Variants in CAPN14 observed in about 807,000 individuals in gnomAD.
CAPN14 encodes calpain-14.
CAPN14 carries 94 observed loss-of-function variants against 101.3 expected under a neutral mutation model. The ratio of observed to expected loss-of-function variants is 0.93; its 90% CI spans 0.79 to 1.10. The LOEUF (loss-of-function observed/expected upper bound fraction) is 1.10. CAPN14 is among the 50% of genes least tolerant of loss of function. The pLI is 0.00. For missense variants in CAPN14, 837 were observed against 828.4 expected, an observed-to-expected ratio of 1.01 and a Z score of -0.13; for synonymous variants, 338 against 317.9, an observed-to-expected ratio of 1.06 and a Z score of -0.67.
In CAPN14 at chr2:31,223,602, C is replaced by A. The variant is rs562174916; in HGVS notation, c.-53+2926G>T. Among the ~76,000 whole-genome samples the A allele has an allele frequency of 5.4e-5, 8 of 147,742 alleles. No homozygotes were observed. The East Asian group carries it at 1.6e-3, about 29-fold the overall frequency. On this transcript the variant is annotated intron_variant and NMD_transcript_variant, in intron 2 of 21. Transcript: ENST00000398824. ...GGAGTGCAGTGGGACAATCTCGGCT[C>A]ACTGCAGCCTCCGCCTCCTAGGTTC...
chr2:31,183,854 CCTCT>C (rs1408767307), intron 16 of CAPN14, among the ~76,000 whole-genome samples: 3 of 149,646 alleles, frequency 2.0e-5, no homozygotes, highest in South Asian at 2.2e-4. Flanking sequence ...TCCCTCCCTC[CCTCT>C]CTCTCTCTTT....
chr2:31,231,139 T>G (rs73922287), intron 1 of CAPN14, among the ~76,000 whole-genome samples: 7,977 of 150,350 alleles, frequency 0.053, 704 homozygotes, highest in African/African-American at 0.19. Flanking sequence ...CCCTTCCACC[T>G]CTCCCTCTCC....
chr2:31,189,331 C>G lies in CAPN14; in HGVS notation c.1435G>C (p.Glu479Gln). Residue 479 changes from glutamate (E) to glutamine (Q), a missense_variant, in exon 13 of 22, where the codon GAG (glutamate) becomes CAG (glutamine). Physicochemically the swap from Glu to Gln is conservative, Grantham distance 29 (BLOSUM62 2). Transcript: ENST00000403897. ...ACGAACTCTGACTTCTGGTGGGCCTCCAATATGCAGGGCACGATGAGGTAC... is the reference window on the plus strand; with the variant it reads ...ACGAACTCTGACTTCTGGTGGGCCTGCAATATGCAGGGCACGATGAGGTAC... Reference protein sequence around the residue: ...GTYLIVPCILEAHQKSEFVLR... With the variant: ...GTYLIVPCILQAHQKSEFVLR... 6.4e-7 allele frequency: 1 copy of G among 1,551,716 alleles called. No homozygotes were observed. The highest frequency in any genetic ancestry group is 1.2e-5 in the South Asian group (1 of 84,058).
chr2:31,200,660 A>G, intron 5 of CAPN14, 35 bp from the exon 6 acceptor site: 1 of 1,494,624 alleles, frequency 6.7e-7, no homozygotes, highest in South Asian at 1.3e-5. Context: ...AGAGGAAAAA[A>G]GTATCATGAG....
intron 16 of CAPN14, among the ~76,000 whole-genome samples, chr2:31,183,136 T>C (rs1290738677): frequency 3.9e-5 from 6 of 151,904 alleles, no homozygotes; most frequent in South Asian, 2.1e-4. Flanking sequence ...TAGCCATATG[T>C]AGAAAGCTGA....
rs1164619480 is a variant in CAPN14 at position 31,193,251 on chromosome 2, T to A, written c.994A>T (p.Ile332Phe). The A allele has an allele frequency of 1.3e-6, 2 of 1,551,778 alleles. No homozygotes were observed. Among genetic ancestry groups the A allele is most frequent in the East Asian group, 4.9e-5 (2 of 40,920 alleles). The change falls in exon 10 of 22, where the codon ATC becomes TTC. Residue 332 changes from isoleucine to phenylalanine, a missense_variant. By Grantham distance (21) the Ile-to-Phe change is conservative (BLOSUM62 0). Transcript: ENST00000403897. ...DFKTHFVLLV[I>F]CKLTPGLLSQ... ...AACAGGCCTGGGGTCAGTTTACAGA[T>A]AACCAGGAGCACGAAATGTGTTTTA...
At chr2:31,202,107 G>A (rs1363037839) in intron 4 of CAPN14, 27 bp downstream of exon 4, 1 of 1,550,018 alleles carries the variant, frequency 6.5e-7, no homozygotes, top group Admixed American at 2.0e-5. Flanking sequence ...GACTCCCTCT[G>A]GGCTGAGGAC....
chr2:31,232,767 G>C (rs1372078926), intron 1 of CAPN14, among the ~76,000 whole-genome samples: 1 of 152,166 alleles, frequency 6.6e-6, no homozygotes, highest in Admixed American at 6.5e-5. Context: ...ATTACAATTA[G>C]AGATGAGATT....
chr2:31,214,695 C>T (rs1682554314), intron 1 of CAPN14, among the ~76,000 whole-genome samples: 1 of 152,140 alleles, frequency 6.6e-6, no homozygotes. Context: ...CTTTATGAGA[C>T]ACTGCATAGT....
rs1252250168 is a variant in CAPN14 at position 31,224,912 on chromosome 2, A to G, written c.-53+1616T>C. On this transcript the variant is annotated intron_variant and NMD_transcript_variant, in intron 2 of 21. Transcript: ENST00000398824. ...AGTCATGTCATATTCCTGGAGGGAA[A>G]GATTAAGTATTAAAAATATGTCATT... is the stretch of plus-strand genomic sequence containing the variant. Among the ~76,000 whole-genome samples, 3 of 152,070 alleles carry G rather than the reference A, an allele frequency of 2.0e-5. No homozygotes were observed. The East Asian group carries it at 5.8e-4, about 29-fold the overall frequency.
intron 1 of CAPN14, among the ~76,000 whole-genome samples, chr2:31,211,057 A>C (rs1682374077): frequency 6.6e-6 from 1 of 152,230 alleles, no homozygotes; most frequent in African/African-American, 2.4e-5. Context: ...TTTACTAAAA[A>C]AATCTAGAGG....
chr2:31,185,006 GT>G (rs1204738497), intron 16 of CAPN14, among the ~76,000 whole-genome samples: 18 of 152,184 alleles, frequency 1.2e-4, no homozygotes, highest in African/African-American at 4.1e-4. Flanking sequence ...AATGGCAGTG[GT>G]TTATTATCTT....
At chr2:31,187,736 C>T (rs575466051) in intron 15 of CAPN14, 22 bp downstream of exon 15, 1 of 1,547,928 alleles carries the variant, frequency 6.5e-7, no homozygotes, top group South Asian at 1.2e-5. Flanking sequence ...TCCTCACCCC[C>T]CACCACACCT....
chr2:31,181,390 CTTTCTTTTTTTCTT>C (rs771144320), intron 16 of CAPN14, among the ~76,000 whole-genome samples: 1,426 of 136,150 alleles, frequency 0.01, 20 homozygotes, highest in South Asian at 0.015. Context: ...TTCTTTTTTT[CTTTCTTTTTTTCTT>C]TCTTTCTTTC....
At chr2:31,176,937 G>C in intron 20 of CAPN14, 89 bp downstream of exon 20, 1 of 965,952 alleles carries the variant, frequency 1.0e-6, no homozygotes, top group Admixed American at 2.2e-5. Flanking sequence ...GATGGCGGCT[G>C]TCCTCCCTTG....
intron 1 of CAPN14, among the ~76,000 whole-genome samples, chr2:31,215,898 A>G (rs10210276): frequency 0.57 from 85,816 of 150,752 alleles, 25,488 homozygotes; most frequent in East Asian, 0.94. Flanking sequence ...ATAGCTAAAC[A>G]CATACAAACT....
At chr2:31,192,238 C>T in intron 10 of CAPN14, 140 bp from the exon 11 acceptor site, 1 of 992,188 alleles carries the variant, frequency 1.0e-6, no homozygotes. Flanking sequence ...AGTCGGGGTC[C>T]CTTCAACCTT....
chr2:31,196,873 C>G (rs190432463), intron 8 of CAPN14, among the ~76,000 whole-genome samples: 1 of 152,172 alleles, frequency 6.6e-6, no homozygotes, highest in Non-Finnish European at 1.5e-5. Context: ...CACCAAAGAC[C>G]TTGGTTGAGT....
rs554475169 is a variant in CAPN14 at position 31,210,231 on chromosome 2, C to T, written c.-52-4732G>A. 8.6e-5 allele frequency among the ~76,000 whole-genome samples: 13 copies of T among 152,030 alleles called. No homozygotes were observed. In the South Asian group the frequency reaches 2.5e-3, roughly 29 times the overall value. On this transcript the variant is annotated intron_variant, in intron 1 of 21. Coordinates refer to ENST00000403897, the MANE Select transcript of CAPN14 (RefSeq NM_001145122.2). ...GGCTGAGGAGGGCGGATCACGAGGTCAAGAGATCAAGACCATCCTGGCTAA... is the reference window on the plus strand; with the variant it reads ...GGCTGAGGAGGGCGGATCACGAGGTTAAGAGATCAAGACCATCCTGGCTAA...
Sources: gnomAD v4.1 joint callset for allele counts (sites outside exome capture counted in the v4.1 genomes callset) on GRCh38, gnomAD v4.1.1 for gene constraint, MANE v1.5 for transcripts, NCBI Gene and HGNC (gene_info 2026-07-23, HGNC 2026-07-21) for gene names.